STK40: variants seen among roughly 807,000 people sequenced by gnomAD.
STK40 encodes serine/threonine-protein kinase 40.
Under a neutral mutation model 47.9 loss-of-function variants are expected in STK40, and 13 were observed. That is an observed-to-expected ratio of 0.27 (90% CI 0.18 to 0.43). The LOEUF (loss-of-function observed/expected upper bound fraction) is 0.43, where lower values mean the gene tolerates loss of function less well. Among genes scored for constraint, STK40 ranks in the 20% least tolerant of loss-of-function variants. The pLI is 1.00. For missense variants in STK40, 460 were observed against 595.1 expected, an observed-to-expected ratio of 0.77 and a Z score of 2.36; for synonymous variants, 225 against 243.2, an observed-to-expected ratio of 0.93 and a Z score of 0.69.
chr1:36,382,416 C>T lies in STK40; in HGVS notation c.-9+3307G>A, dbSNP rs373579640. ...CTGGTCTTGAACTCCTAGGCTCAAG[C>T]GATCTGCCCATCTCGGCCTCCCAAA... On this transcript the variant is annotated intron_variant, in intron 1 of 10. Coordinates refer to ENST00000373132, the MANE Select transcript of STK40 (RefSeq NM_001282547.2). Among the ~76,000 whole-genome samples the T allele has an allele frequency of 3.9e-5, 6 of 152,202 alleles. No homozygotes were observed. In the South Asian group the frequency reaches 8.3e-4, roughly 21 times the overall value.
chr1:36,347,880 T>G (rs1646717910), intron 7 of STK40, among the ~76,000 whole-genome samples: 2 of 152,190 alleles, frequency 1.3e-5, no homozygotes, highest in South Asian at 4.1e-4. Flanking sequence ...CTCGAACTCC[T>G]GACCTTATGA....
chr1:36,354,264 C>T (rs1646783092), intron 6 of STK40, 100 bp downstream of exon 6: 10 of 1,327,944 alleles, frequency 7.5e-6, no homozygotes, highest in South Asian at 2.4e-5. Flanking sequence ...TGTTTTGAGT[C>T]GGAATCCTCA....
chr1:36,355,152 C>T, intron 5 of STK40, 54 bp downstream of exon 5: 1 of 1,573,346 alleles, frequency 6.4e-7, no homozygotes, highest in Non-Finnish European at 8.7e-7. Context: ...TCAGCAGCAG[C>T]AAGAAAGGTG....
In STK40 at chr1:36,385,882, G is replaced by T. The variant is rs187411212; in HGVS notation, c.-168C>A. 834 of 177,848 alleles carry T rather than the reference G, an allele frequency of 4.7e-3. 4 individuals carry two copies. The highest frequency in any genetic ancestry group is 0.019 in the African/African-American group (799 of 41,714). 11.0% of individuals were successfully genotyped at this position (177,848 alleles called of 1,614,324 possible). The stretch of plus-strand genomic sequence containing the variant: ...CCGAGCCGCCGCCGCCGCCGCCGCC[G>T]CCTCCCTCCATGGCTGCGGCGCCGC... On this transcript the variant is annotated 5_prime_UTR_variant, in exon 1 of 11. Coordinates refer to ENST00000373132, the MANE Select transcript of STK40 (RefSeq NM_001282547.2).
chr1:36,371,437 C>T (rs2124747433), intron 1 of STK40, among the ~76,000 whole-genome samples: 1 of 151,358 alleles, frequency 6.6e-6, no homozygotes, highest in East Asian at 2.0e-4. Context: ...GCCTGTAGTG[C>T]CAGCTACTCG....
At chr1:36,359,273 G>A (rs1350472777) in intron 2 of STK40, among the ~76,000 whole-genome samples, 2 of 152,270 alleles carry the variant, frequency 1.3e-5, no homozygotes, top group Non-Finnish European at 2.9e-5. Flanking sequence ...GAGCATGGTG[G>A]AGCATACCTG....
intron 6 of STK40, among the ~76,000 whole-genome samples, chr1:36,350,542 T>C (rs915276486): frequency 1.3e-5 from 2 of 152,192 alleles, no homozygotes; most frequent in African/African-American, 4.8e-5. Flanking sequence ...AATTTCCTCA[T>C]GCGTACAACA....
At position 36,343,340 on chromosome 1, in the gene STK40, G is replaced by C. The variant is rs764972641; in HGVS notation, c.1089+24C>G. The C allele has an allele frequency of 3.7e-6, 6 of 1,605,022 alleles. No homozygotes were observed. The South Asian group carries it at 6.7e-5, about 18-fold the overall frequency. On this transcript the variant is annotated intron_variant, in intron 10 of 10. Transcript: ENST00000373132. ...GCCTGTCCCTTGGGGCTGGGTAATGGCCCATCTGCCCTCCCCAACTCACCT... is the reference window on the plus strand; with the variant it reads ...GCCTGTCCCTTGGGGCTGGGTAATGCCCCATCTGCCCTCCCCAACTCACCT...
At chr1:36,357,639 T>C (rs776718041) in intron 4 of STK40, among the ~76,000 whole-genome samples, 2 of 152,148 alleles carry the variant, frequency 1.3e-5, no homozygotes, top group Admixed American at 6.5e-5. Flanking sequence ...CCTTTTGAGA[T>C]GGAGTCTCGC....
At chr1:36,375,245 G>A (rs1243284382) in intron 1 of STK40, among the ~76,000 whole-genome samples, 2 of 152,182 alleles carry the variant, frequency 1.3e-5, no homozygotes, top group Non-Finnish European at 2.9e-5. Flanking sequence ...GATGGCTCAC[G>A]TCTATCATCC....
At chr1:36,373,958 A>G (rs1348845896) in intron 1 of STK40, among the ~76,000 whole-genome samples, 2 of 152,204 alleles carry the variant, frequency 1.3e-5, no homozygotes, top group Non-Finnish European at 2.9e-5. Flanking sequence ...CCAGAGAGGA[A>G]GTGACTCAGC....
In STK40 at chr1:36,345,045, C is replaced by T. The variant is rs1646687922; in HGVS notation, c.740-781G>A. Reference sequence around the variant, plus strand: ...ACTGTCAGGCTCTGCTGCTTGCCTCCTTTCAGGGCAACCTGTCCACCCACC... The same window carrying T: ...ACTGTCAGGCTCTGCTGCTTGCCTCTTTTCAGGGCAACCTGTCCACCCACC... On this transcript the variant is annotated intron_variant, in intron 7 of 10. Coordinates refer to ENST00000373132, the MANE Select transcript of STK40 (RefSeq NM_001282547.2). Among the ~76,000 whole-genome samples, 3 of 152,266 alleles carry T rather than the reference C, an allele frequency of 2.0e-5. No individual in the cohort carries two copies. In the South Asian group the frequency reaches 6.2e-4, roughly 31 times the overall value.
At chr1:36,374,853 A>C (rs538948480) in intron 1 of STK40, among the ~76,000 whole-genome samples, 6 of 152,270 alleles carry the variant, frequency 3.9e-5, no homozygotes, top group Admixed American at 2.6e-4. Flanking sequence ...AGGAGATTGC[A>C]ACAAGGGAGG....
intron 1 of STK40, among the ~76,000 whole-genome samples, chr1:36,385,136 G>C (rs1647074430): frequency 6.6e-6 from 1 of 152,230 alleles, no homozygotes; most frequent in Non-Finnish European, 1.5e-5. Flanking sequence ...GGGCGGGCCT[G>C]ACCGGCTCGG....
chr1:36,380,658 T>C (rs1647031836), intron 1 of STK40, among the ~76,000 whole-genome samples: 1 of 152,186 alleles, frequency 6.6e-6, no homozygotes. Context: ...GGGGTGGATA[T>C]TGCCAGAGGG....
At chr1:36,345,991 A>ATATATATTTTTTT in intron 7 of STK40, among the ~76,000 whole-genome samples, 5 of 26,466 alleles carry the variant, frequency 1.9e-4, no homozygotes, top group Non-Finnish European at 2.1e-4. Flanking sequence ...ATATATATAT[A>ATATATATTTTTTT]TTTTTTTTTT....
Position 36,341,770 on chromosome 1 carries a change from G to T in STK40, c.1293C>A (p.Arg431=). The change falls in exon 11 of 11, where the codon CGC becomes CGA. Residue 431 remains arginine, a synonymous_variant. Transcript: ENST00000373132. ...GCTGAGGCTGTTATTTCCGCAGGTA[G>T]CGCTGCGCCAGGATGGCCGTGTCCA... is the stretch of plus-strand genomic sequence containing the variant. ...TSLDTAILAQ[R]YLRK is the part of the protein sequence containing the mutation. 1 of 1,611,522 alleles carries T rather than the reference G, an allele frequency of 6.2e-7. No homozygotes were observed. The highest frequency in any genetic ancestry group is 8.5e-7 in the Non-Finnish European group (1 of 1,179,378).
In STK40 at chr1:36,341,907, C is replaced by A; in HGVS notation, c.1156G>T (p.Ala386Ser). ...TCATGGATGGAGCTCTTCTCCTCGG[C>A]CAGCAGCAGCTGCTGACGCATGTAG... ...ENYMRQQLLL[A>S]EEKSSIHDAR... The change falls in exon 11 of 11, where the codon GCC (alanine) becomes TCC (serine). Residue 386 changes from alanine to serine, a missense_variant. This residue lies in a region of STK40 where 181 missense variants were observed against 218.9 expected (regional missense o/e 0.83). Transcript: ENST00000373132. The A allele has an allele frequency of 6.2e-7, 1 of 1,614,052 alleles. No individual in the cohort carries two copies. The highest frequency in any genetic ancestry group is 8.5e-7 in the Non-Finnish European group (1 of 1,179,988).
chr1:36,349,245 G>C (rs529009942), intron 6 of STK40, among the ~76,000 whole-genome samples: 1 of 152,324 alleles, frequency 6.6e-6, no homozygotes, highest in East Asian at 1.9e-4. Context: ...TCCAGCAGAG[G>C]TGAGTGACTC....
Sources: gnomAD v4.1 joint callset for allele counts (sites outside exome capture counted in the v4.1 genomes callset) on GRCh38, gnomAD v4.1.1 for gene constraint, gnomAD v4.1.1 regional missense constraint, MANE v1.5 for transcripts, NCBI Gene and HGNC (gene_info 2026-07-23, HGNC 2026-07-21) for gene names.